Variants in FXR1 observed in about 807,000 individuals in gnomAD.
FXR1 encodes FMR1 autosomal homolog 1.
Under a neutral mutation model 84.0 loss-of-function variants are expected in FXR1, and 15 were observed. The observed-to-expected ratio is 0.18, with a 90% confidence interval of 0.12 to 0.27. FXR1 has a LOEUF of 0.27. FXR1 is among the 10% of genes least tolerant of loss of function. FXR1 has a pLI of 1.00. For missense variants in FXR1, 480 were observed against 774.4 expected (o/e 0.62, Z 4.51); for synonymous variants, 245 against 250.7 (o/e 0.98, Z 0.21).
At chr3:180,923,392 A>G (rs1718803482) in intron 1 of FXR1, among the ~76,000 whole-genome samples, 1 of 152,186 alleles carries the variant, frequency 6.6e-6, no homozygotes, top group Non-Finnish European at 1.5e-5. Context: ...AAGGCCAGTT[A>G]GGGATCTTAT....
At chr3:180,923,743 A>G (rs1718842551) in intron 1 of FXR1, among the ~76,000 whole-genome samples, 1 of 152,108 alleles carries the variant, frequency 6.6e-6, no homozygotes, top group South Asian at 2.1e-4. Flanking sequence ...TTGCAAATAG[A>G]GAAATTGTTG....
chr3:180,930,468 A>G (rs1719756695), intron 1 of FXR1, among the ~76,000 whole-genome samples: 1 of 152,218 alleles, frequency 6.6e-6, no homozygotes, highest in Admixed American at 6.5e-5. Context: ...CTAGTGATTT[A>G]GAGTTCTGAT....
chr3:180,982,733 T>C lies in FXR1; in HGVS notation c.*6441T>C, dbSNP rs1714671376. ...TTTTGATTTGTCCAATGGACTGAAATAAAAGGTTAGTAAACCAAAATACAG... is the reference window on the plus strand; with the variant it reads ...TTTTGATTTGTCCAATGGACTGAAACAAAAGGTTAGTAAACCAAAATACAG... On this transcript the variant is annotated 3_prime_UTR_variant, in exon 17 of 17. Coordinates refer to ENST00000357559, the MANE Select transcript of FXR1 (RefSeq NM_005087.4). The C allele has an allele frequency of 6.6e-6, 1 of 152,162 alleles. No homozygotes were observed. The highest frequency in any genetic ancestry group is 1.5e-5 in the Non-Finnish European group (1 of 67,980). The allele number at this position is 152,162 out of a possible 1,614,324, so 9.4% of individuals were successfully genotyped here.
rs190443570 is a variant in FXR1 at position 180,931,373 on chromosome 3, C to A, written c.52-1961C>A. ...AGCTGGGATTACAGGCAGCTGCTACCACATCTGGCTAATTTTTGCATTTTT... is the reference window on the plus strand; with the variant it reads ...AGCTGGGATTACAGGCAGCTGCTACAACATCTGGCTAATTTTTGCATTTTT... On this transcript the variant is annotated intron_variant, in intron 1 of 16. Coordinates refer to ENST00000357559, the MANE Select transcript of FXR1 (RefSeq NM_005087.4). Among the ~76,000 whole-genome samples, 20 of 152,062 alleles carry A rather than the reference C, an allele frequency of 1.3e-4. No individual in the cohort carries two copies. The East Asian group carries it at 3.3e-3, about 25-fold the overall frequency.
Position 180,975,415 on chromosome 3 carries a change from T to G in FXR1, c.1695+11T>G, listed in dbSNP as rs1379975542. On this transcript the variant is annotated intron_variant, in intron 16 of 16. Coordinates refer to ENST00000357559, the MANE Select transcript of FXR1 (RefSeq NM_005087.4). ...AACAAGAAAGAAATGGTAAGGAGAA[T>G]TTAACCTGTAGGTTTTTTTTTTTTT... 5 of 1,152,162 alleles carry G rather than the reference T, an allele frequency of 4.3e-6. No individual in the cohort carries two copies. The African/African-American group carries it at 4.8e-5, about 11-fold the overall frequency. The allele number at this position is 1,152,162 out of a possible 1,614,324, so 71.4% of individuals were successfully genotyped here. A position where few individuals can be genotyped will look rare whatever the true frequency, so the allele number is the denominator to read the frequency against.
chr3:180,913,719 A>G (rs1207016247), intron 1 of FXR1, among the ~76,000 whole-genome samples: 2 of 152,302 alleles, frequency 1.3e-5, no homozygotes, highest in East Asian at 3.9e-4. Flanking sequence ...TATTTTCCCG[A>G]AATACGCCAG....
chr3:180,963,234 C>T (rs934493136), intron 13 of FXR1, 144 bp downstream of exon 13: 33 of 570,048 alleles, frequency 5.8e-5, no homozygotes, highest in African/African-American at 4.6e-4. Context: ...GTTTAGTACA[C>T]GTCTTAATAG....
intron 3 of FXR1, 120 bp downstream of exon 3, chr3:180,935,351 T>A (rs1386008907): frequency 1.7e-6 from 1 of 604,572 alleles, no homozygotes; most frequent in African/African-American, 1.9e-5. Context: ...ATTCTTTCTA[T>A]TGGTGGTAAT....
At chr3:180,973,204 A>G (rs1284176858) in intron 15 of FXR1, among the ~76,000 whole-genome samples, 2 of 152,188 alleles carry the variant, frequency 1.3e-5, no homozygotes, top group African/African-American at 4.8e-5. Flanking sequence ...TTTTTATTTG[A>G]ATTAACAGAG....
intron 3 of FXR1, among the ~76,000 whole-genome samples, chr3:180,937,401 G>T (rs1340537516): frequency 6.6e-6 from 1 of 152,120 alleles, no homozygotes. Flanking sequence ...TCCTGTCCAG[G>T]AGGGTCCTTC....
intron 13 of FXR1, among the ~76,000 whole-genome samples, chr3:180,964,455 ATAAT>A (rs1712535036): frequency 6.6e-6 from 1 of 152,032 alleles, no homozygotes; most frequent in South Asian, 2.1e-4. Flanking sequence ...TTGAGAGTAG[ATAAT>A]TATGTGAGAG....
chr3:180,968,274 G>A lies in FXR1; in HGVS notation c.1402+20G>A. 6.8e-7 allele frequency: 1 copy of A among 1,472,722 alleles called. No individual in the cohort carries two copies. The highest frequency in any genetic ancestry group is 9.5e-7 in the Non-Finnish European group (1 of 1,051,498). 91.2% of individuals were successfully genotyped at this position (1,472,722 alleles called of 1,614,324 possible). A position where few individuals can be genotyped will look rare whatever the true frequency, so the allele number is the denominator to read the frequency against. On this transcript the variant is annotated intron_variant, in intron 14 of 16. Coordinates refer to ENST00000357559, the MANE Select transcript of FXR1 (RefSeq NM_005087.4). ...GTTCTGGTAGTCTTTTCTATACTCT[G>A]TCAGCATCCATTATTTGTAAACAGT...
At chr3:180,947,807 T>A in intron 3 of FXR1, 58 bp from the exon 4 acceptor site, 1 of 877,882 alleles carries the variant, frequency 1.1e-6, no homozygotes, top group Admixed American at 2.3e-5. Context: ...TAAAAAGTCA[T>A]TTACAGCATT....
At chr3:180,913,911 C>G (rs1442900862) in intron 1 of FXR1, among the ~76,000 whole-genome samples, 1 of 152,152 alleles carries the variant, frequency 6.6e-6, no homozygotes, top group South Asian at 2.1e-4. Context: ...ACCTTTTATC[C>G]TATGGGTTTT....
chr3:180,956,308 A>C (rs1174222797), intron 9 of FXR1, among the ~76,000 whole-genome samples: 1 of 152,194 alleles, frequency 6.6e-6, no homozygotes, highest in African/African-American at 2.4e-5. Flanking sequence ...ATTTATATTC[A>C]GTGCTCAATT....
chr3:180,965,062 G>T (rs901929704), intron 13 of FXR1, among the ~76,000 whole-genome samples: 1 of 151,858 alleles, frequency 6.6e-6, no homozygotes, highest in African/African-American at 2.4e-5. Context: ...TGTTGCCCAG[G>T]CTGGAGTGCA....
chr3:180,934,550 G>T (rs993267760), intron 2 of FXR1, among the ~76,000 whole-genome samples: 17 of 152,256 alleles, frequency 1.1e-4, no homozygotes, highest in African/African-American at 4.1e-4. Context: ...TAATTATAAT[G>T]TATATATCCA....
chr3:180,974,344 T>C (rs1008562770), intron 15 of FXR1, among the ~76,000 whole-genome samples: 3 of 152,112 alleles, frequency 2.0e-5, no homozygotes, highest in East Asian at 1.9e-4. Context: ...GGTTTCACCA[T>C]GTTGGTCAGG....
At chr3:180,953,084 C>G (rs1250867685) in intron 8 of FXR1, among the ~76,000 whole-genome samples, 1 of 152,034 alleles carries the variant, frequency 6.6e-6, no homozygotes, top group African/African-American at 2.4e-5. Context: ...CTTAAACGAT[C>G]CTCCTATATT....
Sources: allele counts gnomAD v4.1 joint callset (sites outside exome capture counted in the v4.1 genomes callset), GRCh38; gene constraint gnomAD v4.1.1; transcripts MANE v1.5; gene names NCBI Gene and HGNC (gene_info 2026-07-23, HGNC 2026-07-21).